NINL: variants seen among roughly 807,000 people sequenced by gnomAD.
NINL encodes the protein ninein like, also known as ninein-like protein.
Under a neutral mutation model 160.3 loss-of-function variants are expected in NINL, and 153 were observed. The observed-to-expected ratio is 0.95, with a 90% CI of 0.84 to 1.09. The LOEUF is 1.09. Among genes scored for constraint, NINL ranks in the 50% least tolerant of loss-of-function variants. NINL has a pLI of 0.00. For missense variants in NINL, 1,829 were observed against 1,764.0 expected (o/e 1.04, Z -0.66); for synonymous variants, 800 against 734.8 (o/e 1.09, Z -1.43).
chr20:25,490,594 G>A (rs1417350109), intron 11 of NINL, among the ~76,000 whole-genome samples: 2 of 151,784 alleles, frequency 1.3e-5, no homozygotes, highest in Non-Finnish European at 2.9e-5. Flanking sequence ...AAAGGGTGGG[G>A]AATACAAAAG....
At chr20:25,460,533 A>G (rs2062757442) in intron 21 of NINL, among the ~76,000 whole-genome samples, 1 of 152,090 alleles carries the variant, frequency 6.6e-6, no homozygotes, top group African/African-American at 2.4e-5. Flanking sequence ...CCTCACCTCA[A>G]AGGACTCGAA....
intron 1 of NINL, among the ~76,000 whole-genome samples, chr20:25,544,246 G>C (rs555730651): frequency 7.2e-5 from 11 of 152,166 alleles, no homozygotes; most frequent in African/African-American, 1.9e-4. Flanking sequence ...GCAACTCCTG[G>C]CTCTGGCCTC....
Position 25,462,419 on chromosome 20 carries a change from C to G in NINL, c.3546G>C (p.Gln1182His). ...EHRVTIQMLTQSLEEVVRSGQ... is the reference protein window; with the variant it reads ...EHRVTIQMLTHSLEEVVRSGQ... Reference sequence around the variant, plus strand: ...CACTGCGAACCACCTCCTCCAGGCTCTGTGTTAACATCTGAATGGTCACAC... The same window carrying G: ...CACTGCGAACCACCTCCTCCAGGCTGTGTGTTAACATCTGAATGGTCACAC... Residue 1182 changes from glutamine to histidine, a missense_variant, in exon 20 of 24, where the codon CAG becomes CAC. Transcript: ENST00000278886. The G allele has an allele frequency of 1.2e-6, 2 of 1,614,120 alleles. No individual in the cohort carries two copies. Among genetic ancestry groups the G allele is most frequent in the South Asian group, 2.2e-5 (2 of 91,078 alleles).
At chr20:25,462,670 T>C in intron 19 of NINL, 129 bp from the exon 20 acceptor site, 1 of 890,572 alleles carries the variant, frequency 1.1e-6, no homozygotes, top group Non-Finnish European at 1.7e-6. Context: ...TGTTTTGTTT[T>C]TCAAGACAGG....
chr20:25,562,754 C>A (rs1490678475), intron 1 of NINL, among the ~76,000 whole-genome samples: 2 of 150,502 alleles, frequency 1.3e-5, no homozygotes, highest in Non-Finnish European at 3.0e-5. Flanking sequence ...CTGCGAGAAA[C>A]ACCCAAGAAT....
At chr20:25,538,512 A>C (rs1405678451) in intron 1 of NINL, among the ~76,000 whole-genome samples, 1 of 152,106 alleles carries the variant, frequency 6.6e-6, no homozygotes, top group Non-Finnish European at 1.5e-5. Context: ...CCTGGTGTAG[A>C]TGGTGGGCAG....
At chr20:25,510,957 C>T (rs534154522) in intron 4 of NINL, among the ~76,000 whole-genome samples, 44 of 152,234 alleles carry the variant, frequency 2.9e-4, no homozygotes, top group African/African-American at 9.6e-4. Context: ...GGGGCTGGGC[C>T]GGGGAGACAG....
At chr20:25,529,801 A>C (rs1483038133) in intron 1 of NINL, among the ~76,000 whole-genome samples, 2 of 152,182 alleles carry the variant, frequency 1.3e-5, no homozygotes, top group East Asian at 3.8e-4. Context: ...TGATAGCGCC[A>C]CTGCACTCCA....
Position 25,517,855 on chromosome 20 carries a change from T to C in NINL, c.181-6A>G. On this transcript the variant is annotated splice_polypyrimidine_tract_variant and splice_region_variant and intron_variant, in intron 2 of 23. Coordinates refer to ENST00000278886, the MANE Select transcript of NINL (RefSeq NM_025176.6). ...TTAAATTCCTCAAAGTTAACCTGGG[T>C]GAATTGAAGGTGAGAGAGGACAATG... The C allele has an allele frequency of 1.3e-6, 2 of 1,587,150 alleles. No individual in the cohort carries two copies. The highest frequency in any genetic ancestry group is 2.3e-5 in the South Asian group (2 of 86,642).
At chr20:25,540,783 A>C (rs1212639677) in intron 1 of NINL, among the ~76,000 whole-genome samples, 2 of 152,142 alleles carry the variant, frequency 1.3e-5, no homozygotes, top group African/African-American at 4.8e-5. Context: ...GCAGGAATCA[A>C]CCTTCACACT....
Position 25,563,377 on chromosome 20 carries a change from C to T in NINL, c.-12+22078G>A, listed in dbSNP as rs548411283. On this transcript the variant is annotated intron_variant, in intron 1 of 23. Coordinates refer to ENST00000278886, the MANE Select transcript of NINL (RefSeq NM_025176.6). ...AGTAAACAAAGTTAAATATGAATAC[C>T]ATAATCCCTGCAGTAACCACTAAAA... is the stretch of plus-strand genomic sequence containing the variant. Among the ~76,000 whole-genome samples, 5 of 152,196 alleles carry T rather than the reference C, an allele frequency of 3.3e-5. No individual in the cohort carries two copies. The East Asian group carries it at 7.7e-4, about 23-fold the overall frequency.
rs939546213 is a variant in NINL at position 25,455,559 on chromosome 20, C to T, written c.3957+114G>A. On this transcript the variant is annotated intron_variant, in intron 23 of 23. Coordinates refer to ENST00000278886, the MANE Select transcript of NINL (RefSeq NM_025176.6). ...CAGTGTAGGGTATACATTTAGTTCC[C>T]TGGAATTCTGTGACAAGACAGCCTT... 4.0e-6 allele frequency: 3 copies of T among 748,448 alleles called. 1 individual carries two copies. Among genetic ancestry groups the T allele is most frequent in the Middle Eastern group, 3.9e-4 (1 of 2,580 alleles). 46.4% of individuals were successfully genotyped at this position (748,448 alleles called of 1,614,324 possible). A position where few individuals can be genotyped will look rare whatever the true frequency, so the allele number is the denominator to read the frequency against.
rs1156526735 is a variant in NINL at position 25,478,933 on chromosome 20, G to T, written c.2191C>A (p.Gln731Lys). 1 of 1,546,192 alleles carries T rather than the reference G, an allele frequency of 6.5e-7. No individual in the cohort carries two copies. Among genetic ancestry groups the T allele is most frequent in the Non-Finnish European group, 8.7e-7 (1 of 1,148,834 alleles). Residue 731 changes from glutamine (Q) to lysine (K), a missense_variant, in exon 16 of 24, where the codon CAG (glutamine) becomes AAG (lysine). Physicochemically the swap from Gln to Lys is moderately conservative, Grantham distance 53 (BLOSUM62 1). Transcript: ENST00000278886. Reference protein sequence around the residue: ...GLALRHHSHLQQIRREAEAEL... With the variant: ...GLALRHHSHLKQIRREAEAEL... ...AGAAGCTGGCTGGACCTGATCTGCT[G>T]CAGGTGGCTGTGATGCCGCAGGGCC... is the stretch of plus-strand genomic sequence containing the variant.
At chr20:25,466,178 T>C (rs903741839) in intron 19 of NINL, among the ~76,000 whole-genome samples, 11 of 152,036 alleles carry the variant, frequency 7.2e-5, no homozygotes, top group African/African-American at 2.7e-4. Flanking sequence ...CATGGCAGCA[T>C]ACTCAGCTGA....
At chr20:25,482,181 G>A (rs765227977) in intron 13 of NINL, 81 bp from the exon 14 acceptor site, 4 of 1,508,170 alleles carry the variant, frequency 2.7e-6, no homozygotes, top group African/African-American at 2.7e-5. Flanking sequence ...CCTCCAGGGG[G>A]GTCCCTTGCA....
chr20:25,582,462 C>T (rs1304312463), intron 1 of NINL, among the ~76,000 whole-genome samples: 1 of 152,122 alleles, frequency 6.6e-6, no homozygotes. Flanking sequence ...GGGCAAGACT[C>T]CCGGCTCTAC....
intron 1 of NINL, among the ~76,000 whole-genome samples, chr20:25,580,378 G>A (rs1201577216): frequency 2.6e-5 from 4 of 151,756 alleles, no homozygotes; most frequent in Non-Finnish European, 5.9e-5. Flanking sequence ...GAGATACAAA[G>A]TAACAATCAA....
intron 5 of NINL, among the ~76,000 whole-genome samples, chr20:25,507,279 T>C (rs942857700): frequency 1.3e-5 from 2 of 152,060 alleles, no homozygotes; most frequent in African/African-American, 4.8e-5. Flanking sequence ...TGGTGCTGTG[T>C]CCTCCGCACA....
At position 25,476,691 on chromosome 20, in the gene NINL, C is replaced by T. The variant is rs1479887215; in HGVS notation, c.2600G>A (p.Arg867Lys). Residue 867 changes from arginine to lysine, a missense_variant, in exon 17 of 24, where the codon AGA (arginine) becomes AAA (lysine). Transcript: ENST00000278886. ...GGCTCCTGCCGCCTCCTCAGACTCT[C>T]TGCCATCACCTGGGGCCAGCCAGGC... ...PLAWLAPGDGRESEEAAGAGP... is the reference protein window; with the variant it reads ...PLAWLAPGDGKESEEAAGAGP... The T allele has an allele frequency of 6.3e-7, 1 of 1,594,052 alleles. No homozygotes were observed. The highest frequency in any genetic ancestry group is 8.5e-7 in the Non-Finnish European group (1 of 1,175,090).
Sources: allele counts gnomAD v4.1 joint callset (sites outside exome capture counted in the v4.1 genomes callset), GRCh38; gene constraint gnomAD v4.1.1; transcripts MANE v1.5; gene names NCBI Gene and HGNC (gene_info 2026-07-23, HGNC 2026-07-21).